GRIK3: variants seen among roughly 807,000 people sequenced by gnomAD.
GRIK3 encodes glutamate ionotropic receptor kainate type subunit 3.
GRIK3 carries 29 observed loss-of-function variants against 102.5 expected under a neutral mutation model. The observed-to-expected ratio is 0.28, with a 90% CI of 0.21 to 0.39. The LOEUF is 0.39. Among genes scored for constraint, GRIK3 ranks in the 10% least tolerant of loss-of-function variants. The pLI is 1.00. For missense variants in GRIK3, 908 were observed against 1,252.4 expected, an observed-to-expected ratio of 0.73 and a Z score of 4.15; for synonymous variants, 511 against 504.9, an observed-to-expected ratio of 1.01 and a Z score of -0.16.
chr1:37,022,549 G>T (rs1288485035), intron 1 of GRIK3, among the ~76,000 whole-genome samples: 1 of 152,188 alleles, frequency 6.6e-6, no homozygotes, highest in Non-Finnish European at 1.5e-5. Flanking sequence ...TTCCAGCTCT[G>T]CCCAAAAGAC....
intron 1 of GRIK3, among the ~76,000 whole-genome samples, chr1:37,023,134 C>T (rs368917431): frequency 1.3e-5 from 2 of 152,168 alleles, no homozygotes; most frequent in East Asian, 3.9e-4. Flanking sequence ...CGAGACCAGC[C>T]TGGCCAACAT....
At chr1:36,845,426 C>T (rs140292534) in intron 9 of GRIK3, among the ~76,000 whole-genome samples, 2,509 of 152,292 alleles carry the variant, frequency 0.016, 32 homozygotes, top group South Asian at 0.058. Context: ...GCTCTTGGTC[C>T]GGTTTCTCTC....
rs61770576 is a variant in GRIK3 at position 36,954,575 on chromosome 1, G to C, written c.116-63479C>G. ...CAGGACTCTTGGGGTGGGGACGGGGGCTGAGGCCAGCAGCAGGAGCACAGG... is the reference window on the plus strand; with the variant it reads ...CAGGACTCTTGGGGTGGGGACGGGGCCTGAGGCCAGCAGCAGGAGCACAGG... On this transcript the variant is annotated intron_variant, in intron 1 of 15. Transcript: ENST00000373091. Among the ~76,000 whole-genome samples the C allele has an allele frequency of 6.5e-3, 997 of 152,328 alleles. 12 individuals are homozygous for C. The highest frequency in any genetic ancestry group is 0.011 in the South Asian group (55 of 4,830).
chr1:36,929,254 G>T (rs183322868), intron 1 of GRIK3, among the ~76,000 whole-genome samples: 88 of 152,120 alleles, frequency 5.8e-4, no homozygotes, highest in African/African-American at 1.8e-3. Context: ...ATCTTCGAAG[G>T]TGCTCATTGT....
intron 13 of GRIK3, among the ~76,000 whole-genome samples, chr1:36,810,342 A>G (rs553201175): frequency 6.6e-6 from 1 of 152,316 alleles, no homozygotes; most frequent in South Asian, 2.1e-4. Flanking sequence ...ACCTTAATAA[A>G]GATTGTTTCA....
At chr1:36,884,099 T>C (rs1270028575) in intron 2 of GRIK3, among the ~76,000 whole-genome samples, 3 of 152,094 alleles carry the variant, frequency 2.0e-5, no homozygotes, top group South Asian at 4.1e-4. Context: ...CCAGGATTCA[T>C]TGTGGCCAAG....
chr1:37,029,947 A>G (rs1350705436), intron 1 of GRIK3, among the ~76,000 whole-genome samples: 2 of 152,238 alleles, frequency 1.3e-5, no homozygotes, highest in Admixed American at 1.3e-4. Flanking sequence ...TAGTGAGGCC[A>G]GGGTGCCTGG....
At chr1:36,956,437 G>A (rs1051633223) in intron 1 of GRIK3, among the ~76,000 whole-genome samples, 2 of 152,204 alleles carry the variant, frequency 1.3e-5, no homozygotes, top group Non-Finnish European at 1.5e-5. Flanking sequence ...CCAGACGGCA[G>A]CATTCCGCAT....
intron 11 of GRIK3, among the ~76,000 whole-genome samples, chr1:36,820,551 A>C (rs967804465): frequency 6.6e-6 from 1 of 152,216 alleles, no homozygotes; most frequent in Non-Finnish European, 1.5e-5. Flanking sequence ...GGGCATCAAA[A>C]TAGCAGAAGG....
chr1:36,908,002 G>T (rs1641304181), intron 1 of GRIK3, among the ~76,000 whole-genome samples: 1 of 152,160 alleles, frequency 6.6e-6, no homozygotes, highest in South Asian at 2.1e-4. Context: ...GGGCTCAAAA[G>T]ACTGGGCGGT....
intron 7 of GRIK3, among the ~76,000 whole-genome samples, chr1:36,858,823 C>T (rs1308474320): frequency 6.6e-6 from 1 of 152,172 alleles, no homozygotes; most frequent in Non-Finnish European, 1.5e-5. Context: ...GAAGCAAACA[C>T]CCTCATCTGT....
chr1:36,968,903 C>A (rs1418821271), intron 1 of GRIK3, among the ~76,000 whole-genome samples: 1 of 152,190 alleles, frequency 6.6e-6, no homozygotes, highest in African/African-American at 2.4e-5. Flanking sequence ...AATGACTCAT[C>A]CAGAGACAAA....
At chr1:36,825,484 T>G in intron 11 of GRIK3, 119 bp downstream of exon 11, 3 of 564,126 alleles carry the variant, frequency 5.3e-6, no homozygotes, top group Admixed American at 3.5e-5. Flanking sequence ...GGAAGAGGAG[T>G]GGGTACAGCA....
intron 1 of GRIK3, among the ~76,000 whole-genome samples, chr1:36,954,859 G>T (rs1297323939): frequency 1.3e-5 from 2 of 152,228 alleles, no homozygotes; most frequent in Non-Finnish European, 2.9e-5. Flanking sequence ...TGCATAGTGG[G>T]CAAGTGCCTG....
At chr1:36,873,799 C>A (rs1303504138) in intron 3 of GRIK3, among the ~76,000 whole-genome samples, 1 of 152,162 alleles carries the variant, frequency 6.6e-6, no homozygotes, top group Admixed American at 6.5e-5. Context: ...AGGTACAATA[C>A]CATTGACTCT....
At chr1:36,965,001 A>G (rs577366144) in intron 1 of GRIK3, among the ~76,000 whole-genome samples, 1 of 152,336 alleles carries the variant, frequency 6.6e-6, no homozygotes, top group East Asian at 1.9e-4. Flanking sequence ...CTTAAGGTTT[A>G]TCACATAGCA....
chr1:36,874,102 G>T (rs971774603), intron 3 of GRIK3, among the ~76,000 whole-genome samples: 2 of 152,310 alleles, frequency 1.3e-5, no homozygotes, highest in Admixed American at 1.3e-4. Flanking sequence ...CTGGATTAAA[G>T]TTTTCAATCA....
At chr1:37,031,293 C>T (rs693118) in intron 1 of GRIK3, among the ~76,000 whole-genome samples, 26,476 of 152,168 alleles carry the variant, frequency 0.17, 3,284 homozygotes, top group African/African-American at 0.34. Flanking sequence ...TGCTCTCTCC[C>T]TCACTCTCTT....
chr1:37,015,580 G>C (rs1642645018), intron 1 of GRIK3, among the ~76,000 whole-genome samples: 1 of 152,142 alleles, frequency 6.6e-6, no homozygotes, highest in Non-Finnish European at 1.5e-5. Flanking sequence ...GTCCACAGGG[G>C]ACTCTTGACA....
Sources: gnomAD v4.1 joint callset for allele counts (sites outside exome capture counted in the v4.1 genomes callset) on GRCh38, gnomAD v4.1.1 for gene constraint, MANE v1.5 for transcripts, NCBI Gene and HGNC (gene_info 2026-07-23, HGNC 2026-07-21) for gene names.